RCAN2: variants seen among roughly 807,000 people sequenced by gnomAD.
RCAN2 encodes regulator of calcineurin 2.
RCAN2 carries 9 observed loss-of-function variants against 23.6 expected under a neutral mutation model. The ratio of observed to expected loss-of-function variants is 0.38; its 90% CI spans 0.23 to 0.67. RCAN2 has a LOEUF of 0.67. Among genes scored for constraint, RCAN2 ranks in the 30% least tolerant of loss-of-function variants. The pLI is 0.51. For missense variants in RCAN2, 273 were observed against 302.3 expected, an observed-to-expected ratio of 0.90 and a Z score of 0.72; for synonymous variants, 109 against 115.7, an observed-to-expected ratio of 0.94 and a Z score of 0.37.
intron 2 of RCAN2, among the ~76,000 whole-genome samples, chr6:46,284,725 A>G (rs1409906523): frequency 6.6e-6 from 1 of 152,208 alleles, no homozygotes. Context: ...TCCACAGCCT[A>G]TATCATTTCA....
chr6:46,480,949 G>T (rs1476443287), intron 1 of RCAN2, among the ~76,000 whole-genome samples: 1 of 152,188 alleles, frequency 6.6e-6, no homozygotes, highest in Non-Finnish European at 1.5e-5. Context: ...ATAATTGTGT[G>T]AAGAGAACAA....
At chr6:46,478,653 G>C (rs964756708) in intron 1 of RCAN2, among the ~76,000 whole-genome samples, 1 of 152,004 alleles carries the variant, frequency 6.6e-6, no homozygotes, top group Non-Finnish European at 1.5e-5. Flanking sequence ...CTGGAAATTC[G>C]TCATAAGCAA....
chr6:46,226,201 G>A (rs1032283956), intron 4 of RCAN2, among the ~76,000 whole-genome samples: 2 of 152,172 alleles, frequency 1.3e-5, no homozygotes, highest in Non-Finnish European at 2.9e-5. Context: ...TTGTAGTATA[G>A]TTTGAAGTCA....
chr6:46,262,299 C>T (rs181423171), intron 2 of RCAN2, among the ~76,000 whole-genome samples: 226 of 152,264 alleles, frequency 1.5e-3, no homozygotes, highest in African/African-American at 5.2e-3. Context: ...ACTCAACAAG[C>T]ACTATGTTCT....
intron 2 of RCAN2, among the ~76,000 whole-genome samples, chr6:46,264,946 G>T (rs1767270733): frequency 6.6e-6 from 1 of 152,212 alleles, no homozygotes; most frequent in Non-Finnish European, 1.5e-5. Flanking sequence ...TAAACGATCT[G>T]CCTAAGGTGG....
chr6:46,447,855 G>GAA (rs1215378930), intron 2 of RCAN2, among the ~76,000 whole-genome samples: 1 of 150,774 alleles, frequency 6.6e-6, no homozygotes, highest in Non-Finnish European at 1.5e-5. Flanking sequence ...ATATATCTAA[G>GAA]AAAAAAACTT....
At chr6:46,294,480 A>G (rs1391035645) in intron 2 of RCAN2, among the ~76,000 whole-genome samples, 1 of 152,196 alleles carries the variant, frequency 6.6e-6, no homozygotes, top group East Asian at 1.9e-4. Context: ...TCAAGGAAAT[A>G]ATGAGAGGAA....
intron 2 of RCAN2, among the ~76,000 whole-genome samples, chr6:46,400,550 C>A (rs7753138): frequency 5.3e-5 from 8 of 152,180 alleles, no homozygotes; most frequent in African/African-American, 1.9e-4. Flanking sequence ...ACCAGACATG[C>A]CAAACTCGAA....
intron 1 of RCAN2, among the ~76,000 whole-genome samples, chr6:46,488,301 A>G (rs79013308): frequency 0.051 from 7,764 of 152,324 alleles, 260 homozygotes; most frequent in East Asian, 0.14. Context: ...TCATCTGAGA[A>G]TAACAACAGT....
intron 2 of RCAN2, among the ~76,000 whole-genome samples, chr6:46,358,259 A>C (rs923677809): frequency 3.3e-5 from 5 of 152,286 alleles, no homozygotes; most frequent in Non-Finnish European, 7.4e-5. Flanking sequence ...GAATTTATCA[A>C]ATCAATGAAA....
chr6:46,451,853 T>C (rs905671164), intron 2 of RCAN2, among the ~76,000 whole-genome samples: 1 of 152,198 alleles, frequency 6.6e-6, no homozygotes, highest in Non-Finnish European at 1.5e-5. Flanking sequence ...ATGCCCATTC[T>C]AGTAGAATAT....
intron 2 of RCAN2, among the ~76,000 whole-genome samples, chr6:46,292,438 GT>G (rs374258081): frequency 0.044 from 5,910 of 133,960 alleles, 406 homozygotes; most frequent in African/African-American, 0.16. Flanking sequence ...TTTTTTTTTT[GT>G]TTTTTTTTTT....
intron 1 of RCAN2, among the ~76,000 whole-genome samples, chr6:46,466,601 A>C (rs1034848435): frequency 6.6e-6 from 1 of 152,160 alleles, no homozygotes; most frequent in Non-Finnish European, 1.5e-5. Context: ...TTTTTCCCAC[A>C]ATACAGCTAA....
intron 2 of RCAN2, among the ~76,000 whole-genome samples, chr6:46,419,012 C>CA (rs924541637): frequency 7.6e-4 from 115 of 150,566 alleles, no homozygotes; most frequent in Admixed American, 1.4e-3. Flanking sequence ...GCCGAGATAG[C>CA]AAAAAAAAGC....
At chr6:46,232,189 C>T (rs1398362719) in intron 4 of RCAN2, among the ~76,000 whole-genome samples, 1 of 152,266 alleles carries the variant, frequency 6.6e-6, no homozygotes, top group Admixed American at 6.5e-5. Context: ...TTGGCACTAA[C>T]CCAGCACGCT....
At position 46,248,870 on chromosome 6, in the gene RCAN2, A is replaced by T. The variant is rs1766611735; in HGVS notation, c.252T>A (p.Thr84=). 4 of 1,604,700 alleles carry T rather than the reference A, an allele frequency of 2.5e-6. No homozygotes were observed. In the East Asian group the frequency reaches 9.0e-5, roughly 36 times the overall value. ...GCTGGAACGTCACACAGTCATCATA[A>T]GTCCGAAACAGTCCCTCAAATTTTT... ...SKEKFEGLFR[T]YDDCVTFQLF... The change falls in exon 3 of 5, where the codon ACT becomes ACA. Residue 84 remains threonine (T), a synonymous_variant. Coordinates refer to ENST00000371374, the MANE Select transcript of RCAN2 (RefSeq NM_001251974.2).
chr6:46,468,423 A>G (rs760912109), intron 1 of RCAN2, among the ~76,000 whole-genome samples: 14 of 152,162 alleles, frequency 9.2e-5, no homozygotes, highest in Non-Finnish European at 1.6e-4. Context: ...AACTTAGATG[A>G]AAACCCTGTC....
chr6:46,453,088 C>A (rs1424036058), intron 2 of RCAN2, among the ~76,000 whole-genome samples: 2 of 152,170 alleles, frequency 1.3e-5, no homozygotes, highest in African/African-American at 4.8e-5. Context: ...AGACACAGGG[C>A]AGCTCAAAGG....
At chr6:46,342,178 G>A (rs1336199450) in intron 2 of RCAN2, among the ~76,000 whole-genome samples, 1 of 152,126 alleles carries the variant, frequency 6.6e-6, no homozygotes, top group Non-Finnish European at 1.5e-5. Context: ...CAAGGAAAAG[G>A]GACAAAGACT....
Sources: gnomAD v4.1 joint callset for allele counts (sites outside exome capture counted in the v4.1 genomes callset) on GRCh38, gnomAD v4.1.1 for gene constraint, MANE v1.5 for transcripts, NCBI Gene and HGNC (gene_info 2026-07-23, HGNC 2026-07-21) for gene names.